The following DDX10 variants were observed in gnomAD, a reference collection of about 807,000 sequenced individuals.
The protein encoded by DDX10 is probable ATP-dependent RNA helicase DDX10.
Under a neutral mutation model 104.3 loss-of-function variants are expected in DDX10, and 74 were observed. The observed-to-expected ratio is 0.71, with a 90% CI of 0.59 to 0.86. DDX10 has a LOEUF of 0.86. Ranked by LOEUF, DDX10 falls within the 40% of genes least tolerant of loss-of-function variation. DDX10 has a pLI of 0.00. For synonymous variants in DDX10, 351 were observed against 353.4 expected, an observed-to-expected ratio of 0.99 and a Z score of 0.08; for missense variants, 952 against 1,040.0, an observed-to-expected ratio of 0.92 and a Z score of 1.16.
intron 17 of DDX10, among the ~76,000 whole-genome samples, chr11:108,924,068 G>A (rs904149602): frequency 2.0e-5 from 3 of 151,844 alleles, no homozygotes; most frequent in South Asian, 2.1e-4. Context: ...GGCCATCTTC[G>A]TGTGAATTGC....
In DDX10 at chr11:108,887,564, G is replaced by A. The variant is rs546365854; in HGVS notation, c.2305-30309G>A. On this transcript the variant is annotated intron_variant, in intron 16 of 17. Transcript: ENST00000322536. ...ATGTAAGAATAAACCCACACTAACC[G>A]GAAACTCATAGTCTGCTTAAAAAAA... 1.1e-4 allele frequency among the ~76,000 whole-genome samples: 16 copies of A among 150,748 alleles called. No homozygotes were observed. In the South Asian group the frequency reaches 1.3e-3, roughly 12 times the overall value.
At chr11:108,693,972 C>T (rs2094256296) in intron 9 of DDX10, among the ~76,000 whole-genome samples, 1 of 152,092 alleles carries the variant, frequency 6.6e-6, no homozygotes, top group South Asian at 2.1e-4. Context: ...GTACCAAACC[C>T]AATATATGCT....
intron 16 of DDX10, among the ~76,000 whole-genome samples, chr11:108,878,921 T>C (rs984099491): frequency 8.5e-5 from 13 of 152,222 alleles, no homozygotes; most frequent in African/African-American, 3.1e-4. Flanking sequence ...TTTGCTTTCG[T>C]TAGCTTCCAT....
intron 9 of DDX10, among the ~76,000 whole-genome samples, chr11:108,695,949 G>T (rs2094259245): frequency 6.6e-6 from 1 of 152,094 alleles, no homozygotes; most frequent in Non-Finnish European, 1.5e-5. Context: ...TCAAAAATAA[G>T]TCTTTTAATT....
At chr11:108,852,337 G>T in intron 16 of DDX10, 128 bp downstream of exon 16, 1 of 633,190 alleles carries the variant, frequency 1.6e-6, no homozygotes, top group African/African-American at 1.9e-5. Flanking sequence ...TTTTCAACAT[G>T]GATTTTATAT....
At chr11:108,926,706 T>C (rs1027276349) in intron 17 of DDX10, among the ~76,000 whole-genome samples, 1 of 152,216 alleles carries the variant, frequency 6.6e-6, no homozygotes, top group Admixed American at 6.5e-5. Context: ...TGGAATGTAC[T>C]GCAGTAATTA....
chr11:108,887,821 G>A (rs1863319376), intron 16 of DDX10, among the ~76,000 whole-genome samples: 1 of 152,090 alleles, frequency 6.6e-6, no homozygotes, highest in South Asian at 2.1e-4. Context: ...CAGGAAGACT[G>A]AGACAGGAAA....
chr11:108,694,955 G>A (rs549026373), intron 9 of DDX10, among the ~76,000 whole-genome samples: 9 of 151,922 alleles, frequency 5.9e-5, no homozygotes, highest in Non-Finnish European at 1.2e-4. Context: ...GCATAGAAAG[G>A]TATATGAATG....
intron 13 of DDX10, among the ~76,000 whole-genome samples, chr11:108,817,536 C>G (rs922863928): frequency 4.6e-5 from 7 of 152,138 alleles, no homozygotes; most frequent in Admixed American, 4.6e-4. Context: ...ACCTTTGTCT[C>G]TAACACTTAA....
intron 13 of DDX10, among the ~76,000 whole-genome samples, chr11:108,803,610 A>G (rs1267349529): frequency 1.3e-5 from 2 of 151,846 alleles, no homozygotes; most frequent in Non-Finnish European, 2.9e-5. Context: ...AAAGAAAAAA[A>G]TCTTTGTTTT....
chr11:108,874,186 T>A (rs1358459450), intron 16 of DDX10, among the ~76,000 whole-genome samples: 1 of 152,166 alleles, frequency 6.6e-6, no homozygotes, highest in Non-Finnish European at 1.5e-5. Context: ...GGAAAAAAAA[T>A]ACCGTGTGTG....
intron 17 of DDX10, among the ~76,000 whole-genome samples, chr11:108,923,734 G>A (rs1171923462): frequency 6.6e-6 from 1 of 152,220 alleles, no homozygotes; most frequent in Non-Finnish European, 1.5e-5. Context: ...GGTGAGTGGA[G>A]TAGGTAGGGA....
intron 16 of DDX10, among the ~76,000 whole-genome samples, chr11:108,907,501 A>G (rs1383727679): frequency 1.3e-5 from 2 of 151,954 alleles, no homozygotes; most frequent in Non-Finnish European, 1.5e-5. Flanking sequence ...ATGCCCAGCT[A>G]ATTTTTGTAT....
intron 17 of DDX10, among the ~76,000 whole-genome samples, chr11:108,939,536 C>CT (rs1194214267): frequency 1.3e-5 from 2 of 152,166 alleles, no homozygotes; most frequent in African/African-American, 4.8e-5. Flanking sequence ...ATTGGGTCAT[C>CT]TTGGAACAGA....
chr11:108,669,168 ACTGTAGCCTTGACCTC>A (rs1236832141), intron 1 of DDX10, among the ~76,000 whole-genome samples: 3 of 150,342 alleles, frequency 2.0e-5, no homozygotes, highest in African/African-American at 7.4e-5. Context: ...ATCATGGCTC[ACTGTAGCCTTGACCTC>A]CTGGGCTCAA....
At chr11:108,811,311 G>A (rs1862176841) in intron 13 of DDX10, among the ~76,000 whole-genome samples, 2 of 152,148 alleles carry the variant, frequency 1.3e-5, no homozygotes, top group South Asian at 2.1e-4. Flanking sequence ...GGTAGGAATT[G>A]GTCCAAGGTC....
intron 12 of DDX10, among the ~76,000 whole-genome samples, chr11:108,720,962 C>A (rs2094297641): frequency 6.7e-6 from 1 of 150,108 alleles, no homozygotes; most frequent in Admixed American, 6.7e-5. Flanking sequence ...TGGGCTCTTA[C>A]TGTGGGAGTG....
At chr11:108,787,133 T>C (rs1354275287) in intron 13 of DDX10, among the ~76,000 whole-genome samples, 1 of 152,216 alleles carries the variant, frequency 6.6e-6, no homozygotes, top group Non-Finnish European at 1.5e-5. Context: ...GGTTCTTGGC[T>C]GTAATTTATT....
intron 16 of DDX10, among the ~76,000 whole-genome samples, chr11:108,905,747 A>G (rs116307533): frequency 0.011 from 1,621 of 152,224 alleles, 27 homozygotes; most frequent in African/African-American, 0.037. Context: ...TTGCATTACT[A>G]TAAAAAAATA....
Sources: gnomAD v4.1 joint callset for allele counts (sites outside exome capture counted in the v4.1 genomes callset) on GRCh38, gnomAD v4.1.1 for gene constraint, MANE v1.5 for transcripts, NCBI Gene and HGNC (gene_info 2026-07-23, HGNC 2026-07-21) for gene names.